The following ROBO1 variants were observed in gnomAD, a reference collection of about 807,000 sequenced individuals.
ROBO1 encodes the protein roundabout guidance receptor 1.
Under a neutral mutation model 195.9 loss-of-function variants are expected in ROBO1, and 149 were observed. The observed-to-expected ratio is 0.76, with a 90% CI of 0.67 to 0.87. The LOEUF (loss-of-function observed/expected upper bound fraction) is 0.87. ROBO1 is among the 40% of genes least tolerant of loss of function. The pLI is 0.00. For synonymous variants in ROBO1, 816 were observed against 733.2 expected (o/e 1.11, Z -1.82); for missense variants, 1,933 against 2,068.3 (o/e 0.93, Z 1.27).
At chr3:78,746,061 G>T (rs2082649240) in intron 5 of ROBO1, among the ~76,000 whole-genome samples, 1 of 152,142 alleles carries the variant, frequency 6.6e-6, no homozygotes, top group Admixed American at 6.6e-5. Context: ...ATCAATGAGG[G>T]CTTGGTGACT....
intron 4 of ROBO1, among the ~76,000 whole-genome samples, chr3:78,877,982 C>T (rs73114798): frequency 0.31 from 47,369 of 151,984 alleles, 8,687 homozygotes; most frequent in South Asian, 0.47. Flanking sequence ...ATCTGGCTTC[C>T]GACAGCCTCT....
chr3:78,713,154 A>G (rs182149668), intron 8 of ROBO1, among the ~76,000 whole-genome samples: 8 of 152,324 alleles, frequency 5.3e-5, no homozygotes, highest in Non-Finnish European at 8.8e-5. Flanking sequence ...TCTTGGCCTT[A>G]GAAACTCAAT....
At position 79,628,693 on chromosome 3, in the gene ROBO1, G is replaced by T. The variant is rs7628874; in HGVS notation, c.-50-38732C>A. ...AATGGCCTAAATGCTCCACTTAAAA[G>T]ATATAAACTGGCCAATGGAATTAAA... On this transcript the variant is annotated intron_variant, in intron 1 of 30. Transcript: ENST00000464233. Among the ~76,000 whole-genome samples, 7 of 152,140 alleles carry T rather than the reference G, an allele frequency of 4.6e-5. No homozygotes were observed. The South Asian group carries it at 1.0e-3, about 23-fold the overall frequency.
chr3:78,629,632 C>T (rs367958021), intron 25 of ROBO1, among the ~76,000 whole-genome samples: 13 of 150,468 alleles, frequency 8.6e-5, no homozygotes, highest in Middle Eastern at 3.4e-3. Context: ...GGGGTGAGTC[C>T]CTGTTTCTAA....
At chr3:78,673,699 T>C (rs965924929) in intron 10 of ROBO1, among the ~76,000 whole-genome samples, 1 of 148,636 alleles carries the variant, frequency 6.7e-6, no homozygotes, top group Non-Finnish European at 1.5e-5. Flanking sequence ...TAAGGGTATA[T>C]AATCAGAATG....
At chr3:79,246,661 A>T (rs2082629355) in intron 2 of ROBO1, among the ~76,000 whole-genome samples, 1 of 151,980 alleles carries the variant, frequency 6.6e-6, no homozygotes, top group African/African-American at 2.4e-5. Context: ...TGTGACCTTG[A>T]GCTATTGCTT....
intron 2 of ROBO1, among the ~76,000 whole-genome samples, chr3:79,333,806 A>C (rs1439371117): frequency 1.3e-5 from 2 of 152,198 alleles, no homozygotes; most frequent in Non-Finnish European, 2.9e-5. Context: ...AAGTTGGTCA[A>C]GTTTCTCTTT....
At position 79,463,387 on chromosome 3, in the gene ROBO1, TAAAACAA is replaced by T. The variant is rs200863452; in HGVS notation, c.88+126430_88+126436del. Among the ~76,000 whole-genome samples, 248 of 128,762 alleles carry T rather than the reference TAAAACAA, an allele frequency of 1.9e-3. 3 individuals are homozygous for T. Among genetic ancestry groups the T allele is most frequent in the East Asian group, 6.4e-3 (28 of 4,404 alleles). 84.5% of individuals were successfully genotyped at this position (128,762 alleles called of 152,430 possible). A position where few individuals can be genotyped will look rare whatever the true frequency, so the allele number is the denominator to read the frequency against. On this transcript the variant is annotated intron_variant, in intron 2 of 30. Transcript: ENST00000464233. ...AAGATTACATCTCAAAAAAAAAACA[TAAAACAA>T]AAAACAAAAAACAAAAAACCACAAA...
intron 1 of ROBO1, among the ~76,000 whole-genome samples, chr3:79,741,226 GCCA>G (rs952210371): frequency 5.3e-5 from 8 of 152,140 alleles, no homozygotes; most frequent in African/African-American, 1.9e-4. Context: ...AATTCCCTCA[GCCA>G]ACCATTAGCC....
intron 1 of ROBO1, among the ~76,000 whole-genome samples, chr3:79,594,789 A>C (rs780623408): frequency 2.0e-5 from 3 of 152,034 alleles, no homozygotes; most frequent in Admixed American, 6.6e-5. Context: ...TGATATCAAC[A>C]TTATCACCAA....
intron 4 of ROBO1, among the ~76,000 whole-genome samples, chr3:78,932,553 C>A (rs2039587384): frequency 6.6e-6 from 1 of 152,144 alleles, no homozygotes. Context: ...AGCATCCAAT[C>A]TAGAGAGTCA....
chr3:79,120,851 T>C lies in ROBO1; in HGVS notation c.172+4605A>G, dbSNP rs1464271370. ...GATAGTTTGCTTAGTAAAACTAATG[T>C]AAACTCTCACTATTAATTTAACAAA... is the stretch of plus-strand genomic sequence containing the variant. On this transcript the variant is annotated intron_variant, in intron 3 of 30. Coordinates refer to ENST00000464233, the MANE Select transcript of ROBO1 (RefSeq NM_002941.4). Among the ~76,000 whole-genome samples, 11 of 152,168 alleles carry C rather than the reference T, an allele frequency of 7.2e-5. No individual in the cohort carries two copies. The East Asian group carries it at 2.1e-3, about 29-fold the overall frequency.
At chr3:79,711,170 G>A (rs1265937406) in intron 1 of ROBO1, among the ~76,000 whole-genome samples, 1 of 152,106 alleles carries the variant, frequency 6.6e-6, no homozygotes, top group African/African-American at 2.4e-5. Context: ...AGTGGATCTT[G>A]CACTTAGTTT....
intron 1 of ROBO1, among the ~76,000 whole-genome samples, chr3:79,731,448 C>T (rs1315163996): frequency 6.6e-6 from 1 of 152,024 alleles, no homozygotes; most frequent in East Asian, 1.9e-4. Flanking sequence ...TTTAAAAAGC[C>T]TAACTAGGTG....
At chr3:79,602,441 T>C (rs907752692) in intron 1 of ROBO1, among the ~76,000 whole-genome samples, 2 of 151,986 alleles carry the variant, frequency 1.3e-5, no homozygotes, top group Admixed American at 1.3e-4. Context: ...CTTACTCCTT[T>C]GAATGTCCTC....
intron 4 of ROBO1, among the ~76,000 whole-genome samples, chr3:78,805,086 T>G (rs1576200025): frequency 6.6e-6 from 1 of 152,242 alleles, no homozygotes; most frequent in East Asian, 1.9e-4. Flanking sequence ...TCATTATGAT[T>G]CATTTGATCT....
intron 4 of ROBO1, among the ~76,000 whole-genome samples, chr3:78,758,192 C>T (rs574818794): frequency 5.7e-4 from 86 of 152,166 alleles, no homozygotes; most frequent in Admixed American, 9.2e-4. Flanking sequence ...ATTAATGATG[C>T]TATCTTTTCC....
chr3:79,184,767 A>G (rs896269495), intron 2 of ROBO1, among the ~76,000 whole-genome samples: 3 of 152,114 alleles, frequency 2.0e-5, no homozygotes, highest in African/African-American at 7.2e-5. Context: ...AGTGGGGGAA[A>G]TTGCTGGAGC....
intron 8 of ROBO1, among the ~76,000 whole-genome samples, chr3:78,700,984 G>A (rs1162848233): frequency 1.3e-5 from 2 of 152,000 alleles, no homozygotes; most frequent in African/African-American, 4.8e-5. Context: ...GGCTTGTCTC[G>A]AACTGGTAAC....
Sources: allele counts gnomAD v4.1 joint callset (sites outside exome capture counted in the v4.1 genomes callset), GRCh38; gene constraint gnomAD v4.1.1; transcripts MANE v1.5; gene names NCBI Gene and HGNC (gene_info 2026-07-23, HGNC 2026-07-21).